Variants in VCL observed in about 807,000 individuals in gnomAD.
VCL encodes epididymis luminal protein 114.
Under a neutral mutation model 125.7 loss-of-function variants are expected in VCL, and 47 were observed. The ratio of observed to expected loss-of-function variants is 0.37; its 90% CI spans 0.30 to 0.48. The LOEUF (loss-of-function observed/expected upper bound fraction) is 0.48, where lower values mean the gene tolerates loss of function less well. VCL is among the 20% of genes least tolerant of loss of function. VCL has a pLI of 0.99. For synonymous variants in VCL, 458 were observed against 514.6 expected (o/e 0.89, Z 1.49); for missense variants, 1,069 against 1,455.5 (o/e 0.73, Z 4.32).
intron 19 of VCL, 37 bp from the exon 20 acceptor site, chr10:74,114,147 T>C: frequency 6.2e-7 from 1 of 1,610,082 alleles, no homozygotes; most frequent in Admixed American, 1.7e-5. Context: ...GGCCAGAGCG[T>C]GGGCAGAGCT....
At chr10:74,005,551 C>T (rs1272322428) in intron 1 of VCL, among the ~76,000 whole-genome samples, 2 of 152,156 alleles carry the variant, frequency 1.3e-5, no homozygotes, top group African/African-American at 4.8e-5. Context: ...CCATTGCACC[C>T]AGCCAGAGAC....
intron 8 of VCL, among the ~76,000 whole-genome samples, chr10:74,086,714 G>A (rs571495338): frequency 5.7e-4 from 87 of 152,328 alleles, no homozygotes; most frequent in African/African-American, 2.0e-3. Context: ...AAGAGAAAAG[G>A]CTAGAACAGT....
At chr10:74,017,046 C>CTTTTT (rs549275362) in intron 1 of VCL, among the ~76,000 whole-genome samples, 5 of 113,146 alleles carry the variant, frequency 4.4e-5, no homozygotes, top group African/African-American at 8.2e-5. Context: ...AATTTCCTTC[C>CTTTTT]TTTTTTTTTT....
chr10:74,038,809 T>C (rs1841033988), intron 1 of VCL, among the ~76,000 whole-genome samples: 1 of 152,242 alleles, frequency 6.6e-6, no homozygotes, highest in Admixed American at 6.5e-5. Flanking sequence ...GTAGCCATGA[T>C]TGCTTTATCT....
In VCL at chr10:74,094,284, T is replaced by G. The variant is rs1839931703; in HGVS notation, c.1366T>G (p.Ser456Ala). The G allele has an allele frequency of 6.2e-7, 1 of 1,613,998 alleles. No homozygotes were observed. Among genetic ancestry groups the G allele is most frequent in the Non-Finnish European group, 8.5e-7 (1 of 1,180,028 alleles). Residue 456 changes from serine to alanine, a missense_variant, in exon 11 of 22, where the codon TCT (serine) becomes GCT (alanine). By Grantham distance (99) the Ser-to-Ala change is moderately conservative. This residue lies in a region of VCL where 760 missense variants were observed against 928.9 expected (regional missense o/e 0.82). Transcript: ENST00000211998. ...TTTTCTCTGTAGGGGGAAAGGAGATTCTCCAGAGGCTCGAGCCTTGGCCAA... is the reference window on the plus strand; with the variant it reads ...TTTTCTCTGTAGGGGGAAAGGAGATGCTCCAGAGGCTCGAGCCTTGGCCAA... The part of the protein sequence containing the change: ...ADLRRQGKGD[S>A]PEARALAKQV...
At chr10:74,098,399 G>A (rs1336311330) in intron 13 of VCL, among the ~76,000 whole-genome samples, 1 of 151,902 alleles carries the variant, frequency 6.6e-6, no homozygotes, top group Admixed American at 6.6e-5. Context: ...TTCATTTTTG[G>A]TTTGTCTGTC....
intron 1 of VCL, among the ~76,000 whole-genome samples, chr10:74,000,816 G>T (rs1311288272): frequency 6.6e-6 from 1 of 152,114 alleles, no homozygotes; most frequent in Non-Finnish European, 1.5e-5. Flanking sequence ...AAGAAATAAG[G>T]TTATAAGATG....
intron 1 of VCL, among the ~76,000 whole-genome samples, chr10:74,027,112 T>G (rs1205249173): frequency 6.6e-6 from 1 of 152,130 alleles, no homozygotes; most frequent in African/African-American, 2.4e-5. Context: ...TTCTGTGGAA[T>G]GAGAAAAGCA....
At chr10:74,096,104 C>T (rs1839964004) in intron 12 of VCL, among the ~76,000 whole-genome samples, 1 of 151,372 alleles carries the variant, frequency 6.6e-6, no homozygotes, top group African/African-American at 2.4e-5. Flanking sequence ...GCTCTATCCA[C>T]ATATCATCTG....
At chr10:74,083,758 C>T (rs1450198754) in intron 8 of VCL, among the ~76,000 whole-genome samples, 1 of 152,170 alleles carries the variant, frequency 6.6e-6, no homozygotes, top group Non-Finnish European at 1.5e-5. Context: ...GTGGTGCGAT[C>T]TTGGCTCACT....
intron 2 of VCL, among the ~76,000 whole-genome samples, chr10:74,066,047 G>GTATATATATATATATATA (rs143197525): frequency 7.5e-5 from 10 of 133,206 alleles, no homozygotes; most frequent in South Asian, 2.3e-4. Context: ...ATCAATTTTG[G>GTATATATATATATATATA]TATATATATA....
At chr10:74,114,470 G>C in intron 20 of VCL, 83 bp downstream of exon 20, 1 of 1,509,528 alleles carries the variant, frequency 6.6e-7, no homozygotes, top group Non-Finnish European at 9.0e-7. Context: ...GAGGGTATGA[G>C]AGGGAGAAAA....
At chr10:74,043,848 C>T (rs1841144506) in intron 2 of VCL, among the ~76,000 whole-genome samples, 1 of 151,928 alleles carries the variant, frequency 6.6e-6, no homozygotes, top group Non-Finnish European at 1.5e-5. Flanking sequence ...TGGCTCATGC[C>T]TGTCATCCCA....
intron 9 of VCL, among the ~76,000 whole-genome samples, chr10:74,089,559 T>G (rs762820496): frequency 3.3e-4 from 50 of 152,206 alleles, no homozygotes; most frequent in Admixed American, 1.9e-3. Context: ...GAAATAAAGA[T>G]CTTAATTTAC....
chr10:74,104,811 G>T, intron 15 of VCL: 1 of 543,190 alleles, frequency 1.8e-6, no homozygotes. Flanking sequence ...ATACAAGAAG[G>T]CTGGCAACCA....
chr10:74,053,084 A>G (rs907191124), intron 2 of VCL, among the ~76,000 whole-genome samples: 2 of 151,872 alleles, frequency 1.3e-5, no homozygotes, highest in African/African-American at 4.8e-5. Flanking sequence ...TATCAAAGTT[A>G]TTTTAGCTTC....
At chr10:74,095,585 C>G in intron 11 of VCL, 71 bp from the exon 12 acceptor site, 1 of 1,594,816 alleles carries the variant, frequency 6.3e-7, no homozygotes, top group Non-Finnish European at 8.6e-7. Context: ...GACGCCACAT[C>G]GCACCACAGA....
rs951347654 is a variant in VCL at position 74,089,082 on chromosome 10, A to G, written c.1023-114A>G. ...CTTGTGCTGTCCCAGATTTACTGGGAAAAAGGAAAAAGCCAAGCATGTTCA... is the reference window on the plus strand; with the variant it reads ...CTTGTGCTGTCCCAGATTTACTGGGGAAAAGGAAAAAGCCAAGCATGTTCA... On this transcript the variant is annotated intron_variant, in intron 8 of 21. Transcript: ENST00000211998. 5.4e-6 allele frequency: 8 copies of G among 1,481,054 alleles called. No homozygotes were observed. In the African/African-American group the frequency reaches 1.1e-4, roughly 21 times the overall value. 91.7% of individuals were successfully genotyped at this position (1,481,054 alleles called of 1,614,324 possible).
chr10:74,015,414 C>T (rs906372920), intron 1 of VCL, among the ~76,000 whole-genome samples: 26 of 152,172 alleles, frequency 1.7e-4, no homozygotes, highest in African/African-American at 5.5e-4. Context: ...ATTAGCCGGG[C>T]GTGGTGGCTT....
Sources: gnomAD v4.1 joint callset for allele counts (sites outside exome capture counted in the v4.1 genomes callset) on GRCh38, gnomAD v4.1.1 for gene constraint, gnomAD v4.1.1 regional missense constraint, MANE v1.5 for transcripts, NCBI Gene and HGNC (gene_info 2026-07-23, HGNC 2026-07-21) for gene names.